ADGRA3: variants seen among roughly 807,000 people sequenced by gnomAD.
ADGRA3 encodes G-protein coupled receptor 125.
Under a neutral mutation model 119.8 loss-of-function variants are expected in ADGRA3, and 56 were observed. The ratio of observed to expected loss-of-function variants is 0.47; its 90% CI spans 0.38 to 0.58. ADGRA3 has a LOEUF of 0.58. Among genes scored for constraint, ADGRA3 ranks in the 20% least tolerant of loss-of-function variants. The probability of loss-of-function intolerance (pLI) is 0.00; values close to 1 mark genes in which losing one functional copy is unlikely to be tolerated. For synonymous variants in ADGRA3, 607 were observed against 623.8 expected, an observed-to-expected ratio of 0.97 and a Z score of 0.40; for missense variants, 1,516 against 1,649.0, an observed-to-expected ratio of 0.92 and a Z score of 1.40.
intron 1 of ADGRA3, among the ~76,000 whole-genome samples, chr4:22,477,128 A>T (rs917817608): frequency 9.9e-5 from 15 of 152,194 alleles, no homozygotes; most frequent in African/African-American, 3.6e-4. Flanking sequence ...TTAGAAATAA[A>T]AACAAGTAAA....
At chr4:22,443,272 A>G in intron 6 of ADGRA3, 1 of 485,912 alleles carries the variant, frequency 2.1e-6, no homozygotes, top group Admixed American at 3.8e-5. Context: ...AAACTAATGC[A>G]TGTTCACTCC....
At chr4:22,514,393 A>G (rs1280434958) in intron 1 of ADGRA3, 3 of 152,210 alleles carry the variant, frequency 2.0e-5, no homozygotes, top group Non-Finnish European at 4.4e-5. Flanking sequence ...TCATGGTTAA[A>G]CGTTTCCTAA....
chr4:22,469,878 C>T (rs553265043), intron 2 of ADGRA3, among the ~76,000 whole-genome samples: 1 of 152,322 alleles, frequency 6.6e-6, no homozygotes, highest in African/African-American at 2.4e-5. Context: ...CCACCACAAA[C>T]TCGCAGACAT....
chr4:22,447,567 C>G lies in ADGRA3; in HGVS notation c.474-56G>C, dbSNP rs943889304. On this transcript the variant is annotated intron_variant, in intron 4 of 18. Coordinates refer to ENST00000334304, the MANE Select transcript of ADGRA3 (RefSeq NM_145290.4). ...AAATACAATTATCTATCATTTTATCCTATTTCATATTTTCTAAAGCATCCT... is the reference window on the plus strand; with the variant it reads ...AAATACAATTATCTATCATTTTATCGTATTTCATATTTTCTAAAGCATCCT... The G allele has an allele frequency of 5.6e-6, 6 of 1,067,428 alleles. No individual in the cohort carries two copies. The African/African-American group carries it at 6.5e-5, about 11-fold the overall frequency. The allele number at this position is 1,067,428 out of a possible 1,614,324, so 66.1% of individuals were successfully genotyped here.
chr4:22,506,037 T>G (rs1164660501), intron 1 of ADGRA3, among the ~76,000 whole-genome samples: 1 of 152,156 alleles, frequency 6.6e-6, no homozygotes, highest in Non-Finnish European at 1.5e-5. Flanking sequence ...AGTGAAAGTT[T>G]CGGTCTTTGG....
At chr4:22,504,828 T>C (rs961220081) in intron 1 of ADGRA3, among the ~76,000 whole-genome samples, 21 of 152,016 alleles carry the variant, frequency 1.4e-4, no homozygotes, top group Non-Finnish European at 1.9e-4. Context: ...AACCCAAGTG[T>C]TACCAGAACC....
intron 1 of ADGRA3, chr4:22,477,986 T>G (rs906388694): frequency 6.6e-6 from 1 of 152,228 alleles, no homozygotes; most frequent in African/African-American, 2.4e-5. Flanking sequence ...TGCTGACATC[T>G]TTGAAATTTC....
rs1577381870 is a variant in ADGRA3, at chr4:22,494,252, C to T, written c.258-20409G>A. ...TAACCTTTGGTAGTCCTCAATGCTACACTCCCACCAGCGCCATGACAGTTT... is the reference window on the plus strand; with the variant it reads ...TAACCTTTGGTAGTCCTCAATGCTATACTCCCACCAGCGCCATGACAGTTT... On this transcript the variant is annotated intron_variant, in intron 1 of 18. Transcript: ENST00000334304. 2.6e-5 allele frequency among the ~76,000 whole-genome samples: 4 copies of T among 151,476 alleles called. No individual in the cohort carries two copies. In the East Asian group the frequency reaches 7.8e-4, roughly 29 times the overall value.
At chr4:22,426,089 T>C (rs1715919451) in intron 10 of ADGRA3, among the ~76,000 whole-genome samples, 1 of 152,216 alleles carries the variant, frequency 6.6e-6, no homozygotes, top group Non-Finnish European at 1.5e-5. Context: ...TCAAAAAATG[T>C]TGGCGCTTTT....
chr4:22,425,584 A>G (rs903995926), intron 10 of ADGRA3, among the ~76,000 whole-genome samples: 1 of 152,164 alleles, frequency 6.6e-6, no homozygotes, highest in African/African-American at 2.4e-5. Flanking sequence ...GGATCAGACA[A>G]TTTGCAAGCT....
In ADGRA3 at chr4:22,388,828, C is replaced by T. The variant is rs774357237; in HGVS notation, c.2843G>A (p.Arg948His). The T allele has an allele frequency of 1.2e-6, 2 of 1,613,982 alleles. No individual in the cohort carries two copies. Among genetic ancestry groups the T allele is most frequent in the East Asian group, 2.2e-5 (1 of 44,868 alleles). Reference sequence around the variant, plus strand: ...CGTGGGCTCCTTAAGCTCATATTTGCGCTCAGGGTGTCTTTTCAACTGAAT... The same window carrying T: ...CGTGGGCTCCTTAAGCTCATATTTGTGCTCAGGGTGTCTTTTCAACTGAAT... ...IFIQLKRHPE[R>H]KYELKEPTEE... Residue 948 changes from arginine (R) to histidine (H), a missense_variant, in exon 19 of 19, where the codon CGC becomes CAC. Physicochemically the swap from Arg to His is conservative, Grantham distance 29. This residue lies in a region of ADGRA3 where 1,088 missense variants were observed against 1,107.1 expected (regional missense o/e 0.98). Coordinates refer to ENST00000334304, the MANE Select transcript of ADGRA3 (RefSeq NM_145290.4).
rs542362755 is a variant in ADGRA3, at chr4:22,388,787, A to T, written c.2884T>A (p.Leu962Met). 9.5e-5 allele frequency: 153 copies of T among 1,613,928 alleles called. No individual in the cohort carries two copies. Among genetic ancestry groups the T allele is most frequent in the Non-Finnish European group, 1.2e-4 (146 of 1,179,990 alleles). The change falls in exon 19 of 19, where the codon TTG (leucine) becomes ATG (methionine). Residue 962 changes from leucine to methionine, a missense_variant. Coordinates refer to ENST00000334304, the MANE Select transcript of ADGRA3 (RefSeq NM_145290.4). ...LKEPTEEQQR[L>M]AANENGEINH... ...ATTTCGCCATTTTCATTGGCTGCCA[A>T]TCTCTGTTGCTCCTCCGTGGGCTCC... is the stretch of plus-strand genomic sequence containing the variant.
intron 10 of ADGRA3, among the ~76,000 whole-genome samples, chr4:22,431,214 G>A (rs1184464806): frequency 6.6e-6 from 1 of 152,112 alleles, no homozygotes; most frequent in African/African-American, 2.4e-5. Context: ...AAAGGCCACC[G>A]TCCTCCAGAC....
chr4:22,510,396 C>T (rs1436551683), intron 1 of ADGRA3, among the ~76,000 whole-genome samples: 1 of 152,122 alleles, frequency 6.6e-6, no homozygotes, highest in African/African-American at 2.4e-5. Flanking sequence ...AGCCTTGACA[C>T]ATAAACTTCT....
intron 1 of ADGRA3, among the ~76,000 whole-genome samples, chr4:22,489,073 G>C (rs2018957): frequency 0.63 from 95,278 of 152,044 alleles, 31,751 homozygotes; most frequent in East Asian, 0.87. Context: ...TAAAGGAAAA[G>C]AGATTTAATG....
chr4:22,474,535 A>G (rs1437035977), intron 1 of ADGRA3, among the ~76,000 whole-genome samples: 17 of 152,216 alleles, frequency 1.1e-4, no homozygotes. Flanking sequence ...CACTCTTTCT[A>G]GGCTTTGTAA....
intron 1 of ADGRA3, among the ~76,000 whole-genome samples, chr4:22,482,631 C>T (rs546764678): frequency 6.6e-6 from 1 of 152,190 alleles, no homozygotes; most frequent in Non-Finnish European, 1.5e-5. Flanking sequence ...TTCCACTGCA[C>T]TCCAGCCTGG....
intron 1 of ADGRA3, among the ~76,000 whole-genome samples, chr4:22,476,340 C>G (rs1054920360): frequency 9.2e-5 from 14 of 151,990 alleles, no homozygotes; most frequent in African/African-American, 3.1e-4. Flanking sequence ...GTATTTCCAG[C>G]GACTTTATGT....
rs1440926104 is a variant in ADGRA3 at position 22,438,244 on chromosome 4, C to T, written c.1085+12G>A. 6.2e-7 allele frequency: 1 copy of T among 1,605,426 alleles called. No homozygotes were observed. Among genetic ancestry groups the T allele is most frequent in the Non-Finnish European group, 8.5e-7 (1 of 1,175,156 alleles). On this transcript the variant is annotated intron_variant, in intron 8 of 18. Transcript: ENST00000334304. Reference sequence around the variant, plus strand: ...AAATTAAACTTTTCCCCGTATTTTCCACAACACTGACCTGAAGTCACCTTT... The same window carrying T: ...AAATTAAACTTTTCCCCGTATTTTCTACAACACTGACCTGAAGTCACCTTT...
Sources: gnomAD v4.1 joint callset for allele counts (sites outside exome capture counted in the v4.1 genomes callset) on GRCh38, gnomAD v4.1.1 for gene constraint, gnomAD v4.1.1 regional missense constraint, MANE v1.5 for transcripts, NCBI Gene and HGNC (gene_info 2026-07-23, HGNC 2026-07-21) for gene names.